The following ATRNL1 variants were observed in gnomAD, a reference collection of about 807,000 sequenced individuals.
The protein encoded by ATRNL1 is attractin-like protein 1.
Under a neutral mutation model 182.7 loss-of-function variants are expected in ATRNL1, and 95 were observed. The observed-to-expected ratio is 0.52, with a 90% confidence interval of 0.44 to 0.62. The LOEUF is 0.62. Ranked by LOEUF, ATRNL1 falls within the 20% of genes least tolerant of loss-of-function variation. The probability of loss-of-function intolerance (pLI) is 0.00; values close to 1 mark genes in which losing one functional copy is unlikely to be tolerated. For missense variants in ATRNL1, 1,471 were observed against 1,679.5 expected, an observed-to-expected ratio of 0.88 and a Z score of 2.17; for synonymous variants, 576 against 568.3, an observed-to-expected ratio of 1.01 and a Z score of -0.19.
intron 9 of ATRNL1, among the ~76,000 whole-genome samples, chr10:115,233,797 A>G (rs1365675315): frequency 1.3e-5 from 2 of 152,088 alleles, no homozygotes; most frequent in Non-Finnish European, 2.9e-5. Flanking sequence ...AATGTGGAAT[A>G]TTATTTTAAT....
At chr10:115,324,222 C>T (rs1406606417) in intron 18 of ATRNL1, among the ~76,000 whole-genome samples, 1 of 151,764 alleles carries the variant, frequency 6.6e-6, no homozygotes, top group African/African-American at 2.4e-5. Context: ...TTTGGCAAAC[C>T]AAGGTCGGTA....
At chr10:115,647,953 A>G (rs1859738760) in intron 26 of ATRNL1, among the ~76,000 whole-genome samples, 1 of 152,134 alleles carries the variant, frequency 6.6e-6, no homozygotes. Flanking sequence ...TCTTTAATCC[A>G]TCTTGAATTA....
At chr10:115,171,753 C>T (rs909948274) in intron 8 of ATRNL1, among the ~76,000 whole-genome samples, 4 of 151,972 alleles carry the variant, frequency 2.6e-5, no homozygotes, top group African/African-American at 9.7e-5. Flanking sequence ...CTGCTGGCTT[C>T]TATAAGAGAT....
intron 26 of ATRNL1, among the ~76,000 whole-genome samples, chr10:115,721,610 A>C (rs548694160): frequency 1.3e-5 from 2 of 152,256 alleles, no homozygotes; most frequent in South Asian, 4.1e-4. Context: ...CATGAGACTT[A>C]TTCACTATCA....
At chr10:115,756,751 T>C (rs1389248351) in intron 27 of ATRNL1, among the ~76,000 whole-genome samples, 4 of 152,176 alleles carry the variant, frequency 2.6e-5, no homozygotes, top group Non-Finnish European at 5.9e-5. Context: ...TGTCTAATGT[T>C]GACAGTGGGG....
In ATRNL1 at chr10:115,102,024, C is replaced by T. The variant is rs192000492; in HGVS notation, c.293+7981C>T. ...GTTGTATACATTTCAGTTAGGTCAA[C>T]TTGGTTGATAGTCTTGTTCAAGTCT... On this transcript the variant is annotated intron_variant, in intron 1 of 28. Transcript: ENST00000355044. Among the ~76,000 whole-genome samples the T allele has an allele frequency of 1.4e-4, 21 of 152,310 alleles. No homozygotes were observed. The East Asian group carries it at 4.0e-3, about 29-fold the overall frequency.
At chr10:115,302,132 G>T in intron 17 of ATRNL1, 89 bp downstream of exon 17, 4 of 1,258,908 alleles carry the variant, frequency 3.2e-6, no homozygotes, top group South Asian at 1.7e-5. Flanking sequence ...ATTTGAAGAA[G>T]TTTCAAAAAA....
At chr10:115,776,998 G>A (rs1317719397) in intron 27 of ATRNL1, among the ~76,000 whole-genome samples, 3 of 152,122 alleles carry the variant, frequency 2.0e-5, no homozygotes, top group African/African-American at 7.2e-5. Flanking sequence ...AATACATACT[G>A]AAGGTTTTAA....
intron 9 of ATRNL1, among the ~76,000 whole-genome samples, chr10:115,233,942 T>G (rs935056686): frequency 6.6e-6 from 1 of 151,726 alleles, no homozygotes; most frequent in Admixed American, 6.7e-5. Context: ...ATGTTTTTTT[T>G]GAGATATTCA....
intron 28 of ATRNL1, among the ~76,000 whole-genome samples, chr10:115,942,672 T>C (rs1426904534): frequency 1.3e-5 from 2 of 152,374 alleles, no homozygotes; most frequent in African/African-American, 4.8e-5. Context: ...GAAAATGATC[T>C]TCCTCTAAGA....
At chr10:115,713,208 G>T (rs1432927447) in intron 26 of ATRNL1, among the ~76,000 whole-genome samples, 1 of 152,176 alleles carries the variant, frequency 6.6e-6, no homozygotes, top group South Asian at 2.1e-4. Flanking sequence ...CAAACTAAAC[G>T]ATTGTAAGTT....
At chr10:115,739,741 G>A (rs1391332164) in intron 27 of ATRNL1, among the ~76,000 whole-genome samples, 1 of 152,130 alleles carries the variant, frequency 6.6e-6, no homozygotes, top group Non-Finnish European at 1.5e-5. Context: ...CTTTTAGATT[G>A]TCGTGAAGCA....
At chr10:115,542,043 A>G (rs1554992164) in intron 25 of ATRNL1, among the ~76,000 whole-genome samples, 1 of 152,194 alleles carries the variant, frequency 6.6e-6, no homozygotes, top group Non-Finnish European at 1.5e-5. Flanking sequence ...GAAACACTGT[A>G]TACATTGTCC....
intron 18 of ATRNL1, among the ~76,000 whole-genome samples, chr10:115,326,162 C>T (rs1854867673): frequency 6.6e-6 from 1 of 152,172 alleles, no homozygotes; most frequent in Non-Finnish European, 1.5e-5. Flanking sequence ...TTGCAGATGA[C>T]ATGATTGTAT....
chr10:115,383,511 G>A (rs535047096), intron 19 of ATRNL1, among the ~76,000 whole-genome samples: 7 of 151,366 alleles, frequency 4.6e-5, no homozygotes, highest in Non-Finnish European at 8.9e-5. Context: ...CCCTTACTGC[G>A]TTTATGTTTG....
At chr10:115,360,905 TTC>T (rs1856715028) in intron 19 of ATRNL1, among the ~76,000 whole-genome samples, 1 of 151,962 alleles carries the variant, frequency 6.6e-6, no homozygotes, top group Admixed American at 6.6e-5. Flanking sequence ...CATGATTATG[TTC>T]TGATTATGCA....
chr10:115,784,878 T>C (rs1949358138), intron 27 of ATRNL1, among the ~76,000 whole-genome samples: 1 of 152,210 alleles, frequency 6.6e-6, no homozygotes, highest in South Asian at 2.1e-4. Flanking sequence ...GGTCACATTT[T>C]GGGTGGACAT....
At chr10:115,474,164 T>A (rs1554972651) in intron 24 of ATRNL1, among the ~76,000 whole-genome samples, 1 of 151,382 alleles carries the variant, frequency 6.6e-6, no homozygotes, top group African/African-American at 2.4e-5. Flanking sequence ...AGTCATGAAG[T>A]TCTTCAGCTT....
intron 27 of ATRNL1, among the ~76,000 whole-genome samples, chr10:115,795,167 C>T (rs1949621685): frequency 6.6e-6 from 1 of 152,106 alleles, no homozygotes; most frequent in Non-Finnish European, 1.5e-5. Context: ...GTGCTCATTG[C>T]TATTGAGGTA....
Sources: allele counts gnomAD v4.1 joint callset (sites outside exome capture counted in the v4.1 genomes callset), GRCh38; gene constraint gnomAD v4.1.1; transcripts MANE v1.5; gene names NCBI Gene and HGNC (gene_info 2026-07-23, HGNC 2026-07-21).